The following PLPP3 variants were observed in gnomAD, a reference collection of about 807,000 sequenced individuals.
The protein encoded by PLPP3 is PAP2 beta.
PLPP3 carries 6 observed loss-of-function variants against 29.6 expected under a neutral mutation model. The ratio of observed to expected loss-of-function variants is 0.20; its 90% CI spans 0.11 to 0.40. PLPP3 has a LOEUF of 0.40. PLPP3 is among the 10% of genes least tolerant of loss of function. PLPP3 has a pLI of 1.00. For missense variants in PLPP3, 308 were observed against 407.7 expected, an observed-to-expected ratio of 0.76 and a Z score of 2.11; for synonymous variants, 152 against 159.7, an observed-to-expected ratio of 0.95 and a Z score of 0.36.
chr1:56,530,428 A>G (rs1237392704), intron 2 of PLPP3, among the ~76,000 whole-genome samples: 1 of 152,168 alleles, frequency 6.6e-6, no homozygotes, highest in African/African-American at 2.4e-5. Flanking sequence ...TGGAGATGTT[A>G]GTACCATTTC....
chr1:56,539,153 C>T (rs1645951398), intron 1 of PLPP3, among the ~76,000 whole-genome samples: 1 of 152,108 alleles, frequency 6.6e-6, no homozygotes, highest in South Asian at 2.1e-4. Flanking sequence ...ATGCTTAAAT[C>T]CCTAATTTAA....
chr1:56,539,665 G>C (rs371269217), intron 1 of PLPP3, among the ~76,000 whole-genome samples: 3 of 152,168 alleles, frequency 2.0e-5, no homozygotes, highest in South Asian at 2.1e-4. Flanking sequence ...TGGAGGAGAG[G>C]GGGGCAGGGA....
intron 1 of PLPP3, among the ~76,000 whole-genome samples, chr1:56,539,173 T>C (rs1645951490): frequency 6.6e-6 from 1 of 152,166 alleles, no homozygotes. Context: ...ACTTTGCAAA[T>C]TGATTTCATT....
intron 1 of PLPP3, among the ~76,000 whole-genome samples, chr1:56,554,571 CAAA>C (rs1377385549): frequency 1.1e-4 from 10 of 93,584 alleles, no homozygotes; most frequent in Admixed American, 1.1e-4. Context: ...GACTCCATCT[CAAA>C]AAAAAAAAAA....
chr1:56,501,382 A>G (rs139603263), intron 5 of PLPP3, among the ~76,000 whole-genome samples: 76 of 152,144 alleles, frequency 5.0e-4, no homozygotes, highest in African/African-American at 1.7e-3. Context: ...GTCTTGGGGG[A>G]GTGATTGCCC....
chr1:56,502,403 C>A (rs1645673787), intron 5 of PLPP3, among the ~76,000 whole-genome samples: 2 of 152,170 alleles, frequency 1.3e-5, no homozygotes, highest in South Asian at 4.1e-4. Flanking sequence ...AAAGTGTTGT[C>A]CTCAAACCAT....
chr1:56,560,505 G>T (rs1458235210), intron 1 of PLPP3, among the ~76,000 whole-genome samples: 1 of 152,060 alleles, frequency 6.6e-6, no homozygotes, highest in African/African-American at 2.4e-5. Flanking sequence ...GTCTGGTGAG[G>T]ACTTGCTTTC....
chr1:56,554,397 C>G (rs1369683573), intron 1 of PLPP3, among the ~76,000 whole-genome samples: 1 of 151,826 alleles, frequency 6.6e-6, no homozygotes, highest in East Asian at 1.9e-4. Context: ...ACGGTGAAAC[C>G]CTGACTCTAC....
At chr1:56,514,057 C>A (rs572235292) in intron 4 of PLPP3, among the ~76,000 whole-genome samples, 1 of 150,412 alleles carries the variant, frequency 6.6e-6, no homozygotes, top group Non-Finnish European at 1.5e-5. Context: ...TAAATAAATA[C>A]GTTAAATTAA....
Position 56,495,547 on chromosome 1 carries a change from T to A in PLPP3, c.*1004A>T, listed in dbSNP as rs140667727. ...GTAACCTCTCATGCATGAGACTGCCTGCTTCTCTGGCTCCTTCTGATTTGC... is the reference window on the plus strand; with the variant it reads ...GTAACCTCTCATGCATGAGACTGCCAGCTTCTCTGGCTCCTTCTGATTTGC... On this transcript the variant is annotated 3_prime_UTR_variant, in exon 6 of 6. Coordinates refer to ENST00000371250, the MANE Select transcript of PLPP3 (RefSeq NM_003713.5). The A allele has an allele frequency of 6.5e-6, 1 of 152,774 alleles. No homozygotes were observed. Among genetic ancestry groups the A allele is most frequent in the African/African-American group, 2.4e-5 (1 of 41,462 alleles). The allele number at this position is 152,774 out of a possible 1,614,324, so 9.5% of individuals were successfully genotyped here. A position where few individuals can be genotyped will look rare whatever the true frequency, so the allele number is the denominator to read the frequency against.
intron 1 of PLPP3, among the ~76,000 whole-genome samples, chr1:56,538,174 T>C (rs1437095267): frequency 6.6e-6 from 1 of 152,178 alleles, no homozygotes; most frequent in Non-Finnish European, 1.5e-5. Flanking sequence ...AGTATGACTT[T>C]AGGAGTTCCC....
intron 5 of PLPP3, among the ~76,000 whole-genome samples, chr1:56,509,520 G>C (rs1426044009): frequency 1.3e-5 from 2 of 152,122 alleles, no homozygotes; most frequent in Non-Finnish European, 2.9e-5. Flanking sequence ...AATGGCTGTA[G>C]TACAATGGCT....
At chr1:56,506,604 C>G (rs1312651529) in intron 5 of PLPP3, among the ~76,000 whole-genome samples, 2 of 152,182 alleles carry the variant, frequency 1.3e-5, no homozygotes, top group Non-Finnish European at 2.9e-5. Context: ...TCCCAGGGGC[C>G]CCTAATTTGC....
At position 56,509,614 on chromosome 1, in the gene PLPP3, C is replaced by T. The variant is rs543310023; in HGVS notation, c.810+2362G>A. On this transcript the variant is annotated intron_variant, in intron 5 of 5. Transcript: ENST00000371250. Reference sequence around the variant, plus strand: ...CAGCACTTTTGGAGGCTGAGGCGGGCGGATCACCTGAGGTCAGGAGTTCAA... The same window carrying T: ...CAGCACTTTTGGAGGCTGAGGCGGGTGGATCACCTGAGGTCAGGAGTTCAA... Among the ~76,000 whole-genome samples the T allele has an allele frequency of 5.2e-3, 791 of 151,970 alleles. 5 individuals carry two copies. The highest frequency in any genetic ancestry group is 0.018 in the African/African-American group (757 of 41,452).
intron 5 of PLPP3, among the ~76,000 whole-genome samples, chr1:56,502,812 A>C (rs1171712200): frequency 6.6e-6 from 1 of 152,200 alleles, no homozygotes; most frequent in Non-Finnish European, 1.5e-5. Flanking sequence ...GATCGTGTTG[A>C]GTCATCCCTG....
Position 56,496,523 on chromosome 1 carries a change from CA to C in PLPP3, c.*27del. 1 of 1,611,322 alleles carries C rather than the reference CA, an allele frequency of 6.2e-7. No individual in the cohort carries two copies. Among genetic ancestry groups the C allele is most frequent in the Non-Finnish European group, 8.5e-7 (1 of 1,178,156 alleles). On this transcript the variant is annotated 3_prime_UTR_variant, in exon 6 of 6. Transcript: ENST00000371250. ...GAACTTGCTGTCAGCAGTCATTTTA[CA>C]AAAACAGCTCAGGAGGTGGGTGGCA...
chr1:56,546,282 T>G (rs1195262560), intron 1 of PLPP3, among the ~76,000 whole-genome samples: 2 of 152,212 alleles, frequency 1.3e-5, no homozygotes, highest in African/African-American at 4.8e-5. Flanking sequence ...TCATTGAGCT[T>G]GCACTGTCAA....
chr1:56,570,369 C>T (rs1646189552), intron 1 of PLPP3, among the ~76,000 whole-genome samples: 1 of 152,170 alleles, frequency 6.6e-6, no homozygotes, highest in Non-Finnish European at 1.5e-5. Flanking sequence ...CTCTGCAAAA[C>T]TCTTTAGGCA....
At chr1:56,577,649 G>A (rs964124982) in intron 1 of PLPP3, among the ~76,000 whole-genome samples, 15 of 152,106 alleles carry the variant, frequency 9.9e-5, no homozygotes, top group African/African-American at 3.6e-4. Context: ...CATTTCAAAG[G>A]GGACTTAAGT....
Sources: gnomAD v4.1 joint callset for allele counts (sites outside exome capture counted in the v4.1 genomes callset) on GRCh38, gnomAD v4.1.1 for gene constraint, MANE v1.5 for transcripts, NCBI Gene and HGNC (gene_info 2026-07-23, HGNC 2026-07-21) for gene names.